Variants in SPIDR observed in about 807,000 individuals in gnomAD.
The protein encoded by SPIDR is DNA repair-scaffolding protein.
A neutral mutation model predicts 104.6 loss-of-function variants in SPIDR; 93 were observed. That is an observed-to-expected ratio of 0.89 (90% CI 0.75 to 1.06). The LOEUF (loss-of-function observed/expected upper bound fraction) is 1.06, where lower values mean the gene tolerates loss of function less well. Ranked by LOEUF, SPIDR falls within the 50% of genes least tolerant of loss-of-function variation. The pLI is 0.00. For synonymous variants in SPIDR, 431 were observed against 416.9 expected (o/e 1.03, Z -0.41); for missense variants, 1,154 against 1,111.2 (o/e 1.04, Z -0.55).
intron 5 of SPIDR, among the ~76,000 whole-genome samples, chr8:47,341,462 A>T (rs1222089264): frequency 6.6e-6 from 1 of 152,206 alleles, no homozygotes; most frequent in African/African-American, 2.4e-5. Flanking sequence ...GTTTAAAAAA[A>T]AAATTGGGAA....
chr8:47,668,574 T>A (rs977321242), intron 10 of SPIDR, among the ~76,000 whole-genome samples: 3 of 152,006 alleles, frequency 2.0e-5, no homozygotes, highest in African/African-American at 7.2e-5. Flanking sequence ...AAGCAAACAT[T>A]AGTGACTATA....
intron 5 of SPIDR, among the ~76,000 whole-genome samples, chr8:47,331,965 C>CTTTTTTTTTTTTTTTTTTTT (rs1183447584): frequency 1.8e-4 from 6 of 32,700 alleles, no homozygotes; most frequent in Non-Finnish European, 4.0e-4. Context: ...TTTTTTTAAA[C>CTTTTTTTTTTTTTTTTTTTT]TTTTTTTTTT....
intron 14 of SPIDR, among the ~76,000 whole-genome samples, chr8:47,710,630 G>A (rs1027292219): frequency 2.6e-5 from 4 of 151,960 alleles, no homozygotes; most frequent in African/African-American, 9.7e-5. Flanking sequence ...CTCCACGCCT[G>A]GCTAATTTTG....
chr8:47,378,848 A>G (rs1436886718), intron 5 of SPIDR, among the ~76,000 whole-genome samples: 1 of 152,250 alleles, frequency 6.6e-6, no homozygotes, highest in South Asian at 2.1e-4. Flanking sequence ...GGACTCTGAA[A>G]TAATTGCTAG....
chr8:47,544,308 C>T (rs1402697339), intron 8 of SPIDR, among the ~76,000 whole-genome samples: 1 of 152,056 alleles, frequency 6.6e-6, no homozygotes, highest in Admixed American at 6.5e-5. Context: ...TCCTTAATTG[C>T]AATCTCTGGC....
chr8:47,276,308 A>G (rs1388167111), intron 1 of SPIDR, among the ~76,000 whole-genome samples: 1 of 152,274 alleles, frequency 6.6e-6, no homozygotes, highest in Non-Finnish European at 1.5e-5. Context: ...GAAAAGCAGT[A>G]TACAATATCG....
At chr8:47,706,807 G>A (rs1026615487) in intron 14 of SPIDR, among the ~76,000 whole-genome samples, 6 of 152,172 alleles carry the variant, frequency 3.9e-5, no homozygotes, top group Admixed American at 6.5e-5. Context: ...TCACACTTCC[G>A]GAGGCCAGAA....
chr8:47,686,683 T>C (rs1474994440), intron 11 of SPIDR, among the ~76,000 whole-genome samples: 3 of 152,210 alleles, frequency 2.0e-5, no homozygotes, highest in African/African-American at 7.2e-5. Context: ...ACAGCTGACA[T>C]TTAATTACTT....
At chr8:47,310,412 T>C (rs1168115515) in intron 5 of SPIDR, among the ~76,000 whole-genome samples, 1 of 151,612 alleles carries the variant, frequency 6.6e-6, no homozygotes, top group East Asian at 1.9e-4. Context: ...TTTGGAGTTG[T>C]GCTTTTAATA....
intron 11 of SPIDR, among the ~76,000 whole-genome samples, chr8:47,699,223 C>CA (rs1672907375): frequency 1.3e-5 from 2 of 152,332 alleles, no homozygotes; most frequent in South Asian, 2.1e-4. Context: ...GTTGGACACT[C>CA]ACTCTGAGCG....
At chr8:47,722,472 T>C (rs1159250397) in intron 16 of SPIDR, among the ~76,000 whole-genome samples, 2 of 152,236 alleles carry the variant, frequency 1.3e-5, no homozygotes, top group Non-Finnish European at 2.9e-5. Flanking sequence ...TTTCTCACCA[T>C]TGATTATGAT....
At chr8:47,628,108 C>CA (rs1371829404) in intron 10 of SPIDR, among the ~76,000 whole-genome samples, 1 of 152,188 alleles carries the variant, frequency 6.6e-6, no homozygotes, top group African/African-American at 2.4e-5. Flanking sequence ...TCCTTAAAAA[C>CA]AAACGAGAGA....
intron 8 of SPIDR, among the ~76,000 whole-genome samples, chr8:47,574,813 A>C (rs572781238): frequency 3.3e-5 from 5 of 152,106 alleles, no homozygotes; most frequent in Admixed American, 3.3e-4. Context: ...AACAGTGTCA[A>C]CTTTTATCAA....
chr8:47,624,425 T>C (rs1305733765), intron 10 of SPIDR, among the ~76,000 whole-genome samples: 2 of 152,002 alleles, frequency 1.3e-5, no homozygotes, highest in African/African-American at 2.4e-5. Flanking sequence ...AAAAAACCCT[T>C]CAAAAAATTA....
In SPIDR at chr8:47,673,814, G is replaced by A. The variant is rs752779432; in HGVS notation, c.1558G>A (p.Val520Ile). 1.2e-6 allele frequency: 2 copies of A among 1,613,972 alleles called. No individual in the cohort carries two copies. Among genetic ancestry groups the A allele is most frequent in the South Asian group, 1.1e-5 (1 of 91,076 alleles). The change falls in exon 11 of 20, where the codon GTA becomes ATA. Residue 520 changes from valine to isoleucine, a missense_variant. Val to Ile is a conservative substitution (Grantham distance 29, BLOSUM62 3). Transcript: ENST00000297423. The stretch of plus-strand genomic sequence containing the variant: ...GGTTTTTTACAGAGCCTGCCTTCTG[G>A]TACAAGATGCCTGTGGAATGTTCGG... Reference protein sequence around the residue: ...DPAGTRACLLVQDACGMFGEV... With the variant: ...DPAGTRACLLIQDACGMFGEV...
intron 8 of SPIDR, among the ~76,000 whole-genome samples, chr8:47,579,672 T>C (rs2059507767): frequency 6.6e-6 from 1 of 152,118 alleles, no homozygotes; most frequent in African/African-American, 2.4e-5. Flanking sequence ...TGCCTAACAC[T>C]TGATAACTGT....
chr8:47,403,104 A>G lies in SPIDR; in HGVS notation c.777-4757A>G, dbSNP rs190122983. ...ATAAACAGAACAAAAGACAAAAACC[A>G]CATGAATATCTCAATAGATGCAGAA... is the stretch of plus-strand genomic sequence containing the variant. On this transcript the variant is annotated intron_variant, in intron 6 of 19. Coordinates refer to ENST00000297423, the MANE Select transcript of SPIDR (RefSeq NM_001080394.4). Among the ~76,000 whole-genome samples, 255 of 152,338 alleles carry G rather than the reference A, an allele frequency of 1.7e-3. 1 individual carries two copies. Among genetic ancestry groups the G allele is most frequent in the Non-Finnish European group, 8.2e-4 (56 of 68,030 alleles).
At position 47,701,777 on chromosome 8, in the gene SPIDR, T is replaced by C; in HGVS notation, c.1830T>C (p.Asn610=). The change falls in exon 13 of 20, where the codon AAT becomes AAC. Residue 610 remains asparagine, a synonymous_variant. Coordinates refer to ENST00000297423, the MANE Select transcript of SPIDR (RefSeq NM_001080394.4). Reference sequence around the variant, plus strand: ...GTTACATCCTCACAGCTCATCCAAATCTGGGACAAATTGATATAATTGACG... The same window carrying C: ...GTTACATCCTCACAGCTCATCCAAACCTGGGACAAATTGATATAATTGACG... ...ALCYILTAHP[N]LGQIDIIDED... 1.2e-6 allele frequency: 2 copies of C among 1,614,156 alleles called. No individual in the cohort carries two copies. Among genetic ancestry groups the C allele is most frequent in the East Asian group, 4.5e-5 (2 of 44,874 alleles).
intron 6 of SPIDR, among the ~76,000 whole-genome samples, chr8:47,402,769 G>C (rs1323879062): frequency 1.3e-5 from 2 of 152,118 alleles, no homozygotes; most frequent in Non-Finnish European, 1.5e-5. Flanking sequence ...AATTCTACCA[G>C]AAGTACAAAG....
Sources: gnomAD v4.1 joint callset for allele counts (sites outside exome capture counted in the v4.1 genomes callset) on GRCh38, gnomAD v4.1.1 for gene constraint, MANE v1.5 for transcripts, NCBI Gene and HGNC (gene_info 2026-07-23, HGNC 2026-07-21) for gene names.